Variants in CCBE1 observed in about 807,000 individuals in gnomAD.
CCBE1 encodes the protein collagen and calcium-binding EGF domain-containing protein 1.
CCBE1 carries 37 observed loss-of-function variants against 50.0 expected under a neutral mutation model. The ratio of observed to expected loss-of-function variants is 0.74; its 90% CI spans 0.57 to 0.97. The LOEUF (loss-of-function observed/expected upper bound fraction) is 0.97. Ranked by LOEUF, CCBE1 falls within the 50% of genes least tolerant of loss-of-function variation. CCBE1 has a pLI of 0.00. For missense variants in CCBE1, 538 were observed against 523.8 expected (o/e 1.03, Z -0.26); for synonymous variants, 234 against 203.7 (o/e 1.15, Z -1.27).
At chr18:59,513,507 C>T (rs1318393800) in intron 2 of CCBE1, among the ~76,000 whole-genome samples, 4 of 152,186 alleles carry the variant, frequency 2.6e-5, no homozygotes, top group Non-Finnish European at 5.9e-5. Flanking sequence ...GGCCTAACTT[C>T]AGTGTGGAAC....
At position 59,448,098 on chromosome 18, in the gene CCBE1, A is replaced by G. The variant is rs755849207; in HGVS notation, c.660T>C (p.Ala220=). The change falls in exon 7 of 11, where the codon GCT becomes GCC. Residue 220 remains alanine, a synonymous_variant. Coordinates refer to ENST00000439986, the MANE Select transcript of CCBE1 (RefSeq NM_133459.4). ...QTVLQLKQKI[A]LLPNNAADLG... is the part of the protein sequence containing the mutation. ...GGTCAGCTGCATTGTTGGGGAGCAG[A>G]GCAATCTGCAAGGAGAAGAGGAAGC... 31 of 1,613,782 alleles carry G rather than the reference A, an allele frequency of 1.9e-5. No homozygotes were observed. Among genetic ancestry groups the G allele is most frequent in the Non-Finnish European group, 2.6e-5 (31 of 1,180,020 alleles).
intron 2 of CCBE1, among the ~76,000 whole-genome samples, chr18:59,511,317 C>T (rs1914122972): frequency 6.6e-6 from 1 of 152,182 alleles, no homozygotes; most frequent in African/African-American, 2.4e-5. Context: ...GGCATTTAAT[C>T]AGAATGATAA....
chr18:59,697,563 G>C (rs1033091952), upstream of CCBE1: 4 of 592,780 alleles, frequency 6.7e-6, no homozygotes, highest in South Asian at 6.4e-5. Flanking sequence ...CAGAGAAGCA[G>C]GTAAAGGGGG....
At position 59,684,925 on chromosome 18, in the gene CCBE1, G is replaced by A. The variant is rs138418136; in HGVS notation, c.212+11704C>T. ...GTTGAGAAATTCTTTCAGTTATCAG[G>A]AGGACTGGAGAGTAAAGGCGTACAG... On this transcript the variant is annotated intron_variant, in intron 2 of 10. Transcript: ENST00000439986. Among the ~76,000 whole-genome samples the A allele has an allele frequency of 5.6e-3, 856 of 152,260 alleles. 8 individuals carry two copies. The highest frequency in any genetic ancestry group is 0.02 in the African/African-American group (823 of 41,556).
At chr18:59,443,759 G>T (rs1377680769) in intron 7 of CCBE1, among the ~76,000 whole-genome samples, 1 of 151,922 alleles carries the variant, frequency 6.6e-6, no homozygotes, top group South Asian at 2.1e-4. Context: ...TGTGAGCCAC[G>T]GCCCCCAGCC....
intron 2 of CCBE1, among the ~76,000 whole-genome samples, chr18:59,621,655 C>G (rs2053711886): frequency 6.6e-6 from 1 of 152,204 alleles, no homozygotes; most frequent in Non-Finnish European, 1.5e-5. Flanking sequence ...ATGTCACTAA[C>G]CTACCAGAGT....
At chr18:59,498,196 C>CT (rs138660913) in intron 2 of CCBE1, among the ~76,000 whole-genome samples, 9,440 of 149,164 alleles carry the variant, frequency 0.063, 815 homozygotes, top group East Asian at 0.34. Context: ...CAACCAAGAT[C>CT]TTTTTTTTTT....
intron 3 of CCBE1, among the ~76,000 whole-genome samples, chr18:59,474,067 T>C (rs550235056): frequency 6.6e-6 from 1 of 152,360 alleles, no homozygotes; most frequent in African/African-American, 2.4e-5. Flanking sequence ...AAGATATGAT[T>C]TCATTCTTTT....
chr18:59,480,444 C>G (rs1469985005), intron 2 of CCBE1, among the ~76,000 whole-genome samples: 1 of 152,084 alleles, frequency 6.6e-6, no homozygotes, highest in Non-Finnish European at 1.5e-5. Context: ...GATATTCTTT[C>G]TGCTACATAA....
chr18:59,677,043 G>A (rs1272231272), intron 2 of CCBE1, among the ~76,000 whole-genome samples: 2 of 152,184 alleles, frequency 1.3e-5, no homozygotes, highest in African/African-American at 4.8e-5. Context: ...TTTGTTTCCA[G>A]AGTGATGAGA....
chr18:59,622,950 G>T (rs556467393), intron 2 of CCBE1, among the ~76,000 whole-genome samples: 13 of 152,082 alleles, frequency 8.5e-5, no homozygotes, highest in African/African-American at 2.7e-4. Flanking sequence ...TACATGTCAT[G>T]ATACATTTAT....
At chr18:59,601,541 C>T (rs1040901196) in intron 2 of CCBE1, among the ~76,000 whole-genome samples, 2 of 152,146 alleles carry the variant, frequency 1.3e-5, no homozygotes, top group Non-Finnish European at 2.9e-5. Flanking sequence ...AAATTACCCA[C>T]TCTCATGTAT....
intron 2 of CCBE1, among the ~76,000 whole-genome samples, chr18:59,548,627 G>T (rs540868559): frequency 6.6e-6 from 1 of 152,266 alleles, no homozygotes; most frequent in Admixed American, 6.5e-5. Context: ...ATTGCAGAAA[G>T]CCCTTACAAC....
chr18:59,498,843 C>T (rs1913478543), intron 2 of CCBE1, among the ~76,000 whole-genome samples: 2 of 152,130 alleles, frequency 1.3e-5, no homozygotes, highest in Non-Finnish European at 1.5e-5. Context: ...GTTGGCCATT[C>T]CTTTCAGTTA....
intron 2 of CCBE1, among the ~76,000 whole-genome samples, chr18:59,619,824 T>C (rs2053688105): frequency 6.6e-6 from 1 of 152,228 alleles, no homozygotes; most frequent in South Asian, 2.1e-4. Flanking sequence ...GGTCTTAAAC[T>C]ATTCCAGCTG....
intron 2 of CCBE1, among the ~76,000 whole-genome samples, chr18:59,567,587 C>A (rs553849793): frequency 2.0e-5 from 3 of 152,352 alleles, no homozygotes; most frequent in Non-Finnish European, 2.9e-5. Context: ...CACGCTGCAA[C>A]CCAAGTGGAT....
At chr18:59,624,369 TG>T (rs1163991800) in intron 2 of CCBE1, among the ~76,000 whole-genome samples, 1 of 152,164 alleles carries the variant, frequency 6.6e-6, no homozygotes, top group East Asian at 1.9e-4. Context: ...AGGGGACAGC[TG>T]GGGGGCAGGG....
chr18:59,693,870 T>TTG (rs1326339097), intron 2 of CCBE1, among the ~76,000 whole-genome samples: 4 of 128,290 alleles, frequency 3.1e-5, no homozygotes, highest in Admixed American at 8.1e-5. Flanking sequence ...AAGCCTTTTT[T>TTG]TTTTTTTTTT....
chr18:59,517,729 G>C (rs1914433149), intron 2 of CCBE1, among the ~76,000 whole-genome samples: 1 of 152,064 alleles, frequency 6.6e-6, no homozygotes, highest in South Asian at 2.1e-4. Context: ...ACACAAAGCA[G>C]CAAGTTTTCA....
Sources: allele counts gnomAD v4.1 joint callset (sites outside exome capture counted in the v4.1 genomes callset), GRCh38; gene constraint gnomAD v4.1.1; transcripts MANE v1.5; gene names NCBI Gene and HGNC (gene_info 2026-07-23, HGNC 2026-07-21).